The following ESF1 variants were observed in gnomAD, a reference collection of about 807,000 sequenced individuals.
ESF1 encodes the protein ESF1 nucleolar pre-rRNA processing protein, also known as ESF1 homolog.
ESF1 carries 58 observed loss-of-function variants against 92.0 expected under a neutral mutation model. The observed-to-expected ratio is 0.63, with a 90% CI of 0.51 to 0.78. The LOEUF is 0.78. Ranked by LOEUF, ESF1 falls within the 30% of genes least tolerant of loss-of-function variation. The probability of loss-of-function intolerance (pLI) is 0.00; values close to 1 mark genes in which losing one functional copy is unlikely to be tolerated. For missense variants in ESF1, 922 were observed against 989.1 expected, an observed-to-expected ratio of 0.93 and a Z score of 0.91; for synonymous variants, 321 against 313.7, an observed-to-expected ratio of 1.02 and a Z score of -0.24.
chr20:13,743,044 C>G (rs2050025739), intron 9 of ESF1, among the ~76,000 whole-genome samples: 1 of 152,116 alleles, frequency 6.6e-6, no homozygotes, highest in African/African-American at 2.4e-5. Flanking sequence ...GCACTTCATT[C>G]CTTTTTATGT....
Position 13,728,459 on chromosome 20 carries a change from C to T in ESF1, c.1957G>A (p.Ala653Thr). Residue 653 changes from alanine to threonine, a missense_variant, in exon 11 of 14, where the codon GCT becomes ACT. Ala to Thr is a moderately conservative substitution (Grantham distance 58, BLOSUM62 0). Transcript: ENST00000617257. ...KRLKRKQKAL[A>T]EEASEEELPS... is the part of the protein sequence containing the mutation. ...AGTTCCTCTTCACTGGCCTCTTCAGCAAGAGCCTTAAAAGTTGAATATAAA... is the reference window on the plus strand; with the variant it reads ...AGTTCCTCTTCACTGGCCTCTTCAGTAAGAGCCTTAAAAGTTGAATATAAA... 2 of 1,607,088 alleles carry T rather than the reference C, an allele frequency of 1.2e-6. No homozygotes were observed. Among genetic ancestry groups the T allele is most frequent in the Non-Finnish European group, 1.7e-6 (2 of 1,176,524 alleles).
chr20:13,774,458 CTAA>C (rs1421644664), intron 4 of ESF1, among the ~76,000 whole-genome samples: 49 of 152,332 alleles, frequency 3.2e-4, no homozygotes, highest in Non-Finnish European at 1.5e-4. Context: ...GACTCAATCT[CTAA>C]TAATGATTGA....
rs769389179 is a variant in ESF1, at chr20:13,776,289, G to A, written c.638-19C>T. On this transcript the variant is annotated intron_variant, in intron 2 of 13. Coordinates refer to ENST00000617257, the MANE Select transcript of ESF1 (RefSeq NM_001276380.2). Reference sequence around the variant, plus strand: ...TGAACCACTGCAAAATGTTAAAGGGGAAAGAAATTAAGAAAAGATATATGC... The same window carrying A: ...TGAACCACTGCAAAATGTTAAAGGGAAAAGAAATTAAGAAAAGATATATGC... 7 of 1,578,190 alleles carry A rather than the reference G, an allele frequency of 4.4e-6. No homozygotes were observed. The highest frequency in any genetic ancestry group is 1.7e-4 in the Middle Eastern group (1 of 5,868).
At chr20:13,724,463 G>A (rs2049888305) in intron 11 of ESF1, among the ~76,000 whole-genome samples, 1 of 152,070 alleles carries the variant, frequency 6.6e-6, no homozygotes, top group Non-Finnish European at 1.5e-5. Context: ...ATTTCCCTGA[G>A]GTTATAAGCA....
intron 9 of ESF1, among the ~76,000 whole-genome samples, chr20:13,740,955 A>T (rs537368957): frequency 3.3e-5 from 5 of 151,930 alleles, no homozygotes; most frequent in African/African-American, 1.2e-4. Context: ...TGCATCCAAG[A>T]TAATAGCCAA....
intron 9 of ESF1, among the ~76,000 whole-genome samples, chr20:13,751,709 T>A (rs751015122): frequency 5.3e-5 from 8 of 152,190 alleles, no homozygotes; most frequent in Non-Finnish European, 1.2e-4. Flanking sequence ...AGTCTCTTTT[T>A]AAAAATTAAA....
intron 10 of ESF1, among the ~76,000 whole-genome samples, chr20:13,732,091 A>G (rs2049947106): frequency 6.6e-6 from 1 of 152,230 alleles, no homozygotes; most frequent in Non-Finnish European, 1.5e-5. Context: ...GGGAACCCCA[A>G]CTTGAAGCCA....
Position 13,776,269 on chromosome 20 carries a change from C to T in ESF1, c.639G>A (p.Val213=), listed in dbSNP as rs781449889. Residue 213 remains valine (V), a splice_region_variant and synonymous_variant, in exon 3 of 14, where the codon GTG becomes GTA. Coordinates refer to ENST00000617257, the MANE Select transcript of ESF1 (RefSeq NM_001276380.2). ...CSKTRREMQS[V]VQLIMTRDSD... ...TGTCTCTTGTCATTATGAGTTGAACCACTGCAAAATGTTAAAGGGGAAAGA... is the reference window on the plus strand; with the variant it reads ...TGTCTCTTGTCATTATGAGTTGAACTACTGCAAAATGTTAAAGGGGAAAGA... 1.9e-6 allele frequency: 3 copies of T among 1,605,916 alleles called. No individual in the cohort carries two copies. The highest frequency in any genetic ancestry group is 2.6e-6 in the Non-Finnish European group (3 of 1,176,258).
intron 9 of ESF1, among the ~76,000 whole-genome samples, chr20:13,750,340 AC>A (rs960381277): frequency 6.6e-6 from 1 of 152,096 alleles, no homozygotes; most frequent in Non-Finnish European, 1.5e-5. Flanking sequence ...CCCCATCTCT[AC>A]AAAAAATATA....
intron 4 of ESF1, among the ~76,000 whole-genome samples, 187 bp downstream of exon 4, chr20:13,774,970 A>G (rs1478062451): frequency 6.6e-6 from 1 of 152,110 alleles, no homozygotes; most frequent in African/African-American, 2.4e-5. Context: ...TAACCTATCA[A>G]TAATAATAAT....
At chr20:13,763,756 C>T (rs922529976) in intron 8 of ESF1, among the ~76,000 whole-genome samples, 1 of 152,210 alleles carries the variant, frequency 6.6e-6, no homozygotes, top group Non-Finnish European at 1.5e-5. Context: ...AAGCATCAGC[C>T]ACTAAGGCCT....
intron 4 of ESF1, among the ~76,000 whole-genome samples, chr20:13,773,401 T>C (rs755607496): frequency 1.1e-4 from 16 of 152,202 alleles, no homozygotes; most frequent in Non-Finnish European, 2.1e-4. Flanking sequence ...TTCTTTTTTT[T>C]CCTCTTTTCT....
At chr20:13,746,085 C>A (rs2050046572) in intron 9 of ESF1, among the ~76,000 whole-genome samples, 1 of 152,096 alleles carries the variant, frequency 6.6e-6, no homozygotes, top group Non-Finnish European at 1.5e-5. Context: ...AAGCCTCAGC[C>A]ACCCAAGTAG....
intron 9 of ESF1, among the ~76,000 whole-genome samples, chr20:13,750,286 C>T (rs1402731895): frequency 2.0e-5 from 3 of 152,156 alleles, no homozygotes; most frequent in African/African-American, 7.2e-5. Flanking sequence ...GGGTGGATCG[C>T]CTGAAGTCAG....
intron 10 of ESF1, among the ~76,000 whole-genome samples, chr20:13,730,407 G>A (rs903310910): frequency 2.3e-4 from 32 of 141,626 alleles, no homozygotes; most frequent in African/African-American, 6.1e-4. Flanking sequence ...TTTTTGAGAC[G>A]GAGTCTCACT....
At chr20:13,781,815 T>A (rs1980203551) in intron 2 of ESF1, among the ~76,000 whole-genome samples, 1 of 152,240 alleles carries the variant, frequency 6.6e-6, no homozygotes, top group African/African-American at 2.4e-5. Flanking sequence ...AATTAATGAA[T>A]GAGTACTCAA....
rs888886993 is a variant in ESF1 at position 13,733,860 on chromosome 20, T to C, written c.1829-18A>G. ...TTTAAGACCTGAGGAAAAATCCAAA[T>C]AGTTTAGCTTAAAATGTCTTATTGT... is the stretch of plus-strand genomic sequence containing the variant. On this transcript the variant is annotated intron_variant, in intron 9 of 13. Transcript: ENST00000617257. 7.6e-6 allele frequency: 12 copies of C among 1,586,902 alleles called. 1 individual carries two copies. The Middle Eastern group carries it at 8.4e-4, about 111-fold the overall frequency.
At chr20:13,766,177 G>A (rs1246206088) in intron 8 of ESF1, among the ~76,000 whole-genome samples, 1 of 152,142 alleles carries the variant, frequency 6.6e-6, no homozygotes, top group Non-Finnish European at 1.5e-5. Context: ...TTTAGCTGAT[G>A]TCCTAAAAGG....
intron 6 of ESF1, among the ~76,000 whole-genome samples, chr20:13,770,472 G>A (rs543610781): frequency 6.6e-5 from 10 of 152,244 alleles, no homozygotes; most frequent in East Asian, 5.8e-4. Context: ...GGGCTCAAGC[G>A]ATCCTCTACA....
Sources: allele counts gnomAD v4.1 joint callset (sites outside exome capture counted in the v4.1 genomes callset), GRCh38; gene constraint gnomAD v4.1.1; transcripts MANE v1.5; gene names NCBI Gene and HGNC (gene_info 2026-07-23, HGNC 2026-07-21).